SHISA9: variants seen among roughly 807,000 people sequenced by gnomAD.
SHISA9 encodes the protein protein shisa-9.
SHISA9 carries 13 observed loss-of-function variants against 38.0 expected under a neutral mutation model. The observed-to-expected ratio is 0.34, with a 90% CI of 0.22 to 0.54. The LOEUF is 0.54. SHISA9 is among the 20% of genes least tolerant of loss of function. SHISA9 has a pLI of 0.91. For missense variants in SHISA9, 538 were observed against 575.8 expected (o/e 0.93, Z 0.67); for synonymous variants, 275 against 242.0 (o/e 1.14, Z -1.27).
At chr16:13,415,195 A>G in the SHISA9 span, among the ~76,000 whole-genome samples, 1 of 152,194 alleles carries the variant, frequency 6.6e-6, no homozygotes, top group Non-Finnish European at 1.5e-5. Flanking sequence ...TTTAGGCTAA[A>G]CTTGATTTAA....
downstream of SHISA9, among the ~76,000 whole-genome samples, chr16:13,244,970 C>T (rs144536032): frequency 6.6e-6 from 1 of 152,288 alleles, no homozygotes; most frequent in Non-Finnish European, 1.5e-5. Flanking sequence ...GGCTGGAGTG[C>T]AGTGGAGCAA....
the SHISA9 span, among the ~76,000 whole-genome samples, chr16:13,286,634 G>T: frequency 6.6e-6 from 1 of 152,078 alleles, no homozygotes; most frequent in Admixed American, 6.6e-5. Flanking sequence ...AAAATATATC[G>T]GAGAGCTTTG....
At chr16:13,373,500 C>A in the SHISA9 span, among the ~76,000 whole-genome samples, 1 of 152,160 alleles carries the variant, frequency 6.6e-6, no homozygotes. Context: ...TGGTGGCTCA[C>A]GCCTGTAATC....
rs2051396414 is a variant in SHISA9 at position 13,237,450 on chromosome 16, G to A, written c.*2041G>A. 6.6e-6 allele frequency: 1 copy of A among 152,040 alleles called. No individual in the cohort carries two copies. The highest frequency in any genetic ancestry group is 6.6e-5 in the Admixed American group (1 of 15,262). 9.4% of individuals were successfully genotyped at this position (152,040 alleles called of 1,614,324 possible). ...GGCTGAAGCAGGTGGATCATCTGAG[G>A]TCAGGAGTTTGAGATCAGCCTGGTC... On this transcript the variant is annotated 3_prime_UTR_variant, in exon 5 of 5. Transcript: ENST00000558583.
the SHISA9 span, among the ~76,000 whole-genome samples, chr16:13,475,570 C>G: frequency 6.6e-6 from 1 of 152,056 alleles, no homozygotes; most frequent in Non-Finnish European, 1.5e-5. Context: ...AGTCCCCAAC[C>G]TTTTATGGCA....
chr16:12,903,371 C>T (rs1431178637), intron 1 of SHISA9, among the ~76,000 whole-genome samples: 1 of 152,204 alleles, frequency 6.6e-6, no homozygotes, highest in Non-Finnish European at 1.5e-5. Context: ...GAGCCCCCTC[C>T]TCGCGCGCCC....
At chr16:12,973,747 G>T (rs2072116879) in intron 2 of SHISA9, among the ~76,000 whole-genome samples, 1 of 152,144 alleles carries the variant, frequency 6.6e-6, no homozygotes, top group Admixed American at 6.5e-5. Flanking sequence ...GACTCCTAGA[G>T]GTGGGGATAG....
intron 2 of SHISA9, among the ~76,000 whole-genome samples, chr16:13,030,350 G>A (rs2072976063): frequency 1.3e-5 from 2 of 152,148 alleles, no homozygotes; most frequent in South Asian, 2.1e-4. Flanking sequence ...CCAGCCAATG[G>A]TAGCCACCCA....
At chr16:13,278,142 T>G in the SHISA9 span, among the ~76,000 whole-genome samples, 1 of 152,136 alleles carries the variant, frequency 6.6e-6, no homozygotes, top group Non-Finnish European at 1.5e-5. Flanking sequence ...CTGGATTTTG[T>G]CGAATGCTTT....
At chr16:13,268,535 G>A in the SHISA9 span, among the ~76,000 whole-genome samples, 1 of 148,632 alleles carries the variant, frequency 6.7e-6, no homozygotes, top group East Asian at 1.9e-4. Flanking sequence ...AAACAAAAAT[G>A]TCCCTTTGAG....
At chr16:13,410,668 C>T in the SHISA9 span, among the ~76,000 whole-genome samples, 36 of 152,218 alleles carry the variant, frequency 2.4e-4, no homozygotes, top group South Asian at 6.2e-4. Context: ...CTTTCAAGGA[C>T]GCTAAATTGA....
chr16:13,469,371 AAGAAAGAAAGAAAGAAAG>A, the SHISA9 span, among the ~76,000 whole-genome samples: 173 of 88,128 alleles, frequency 2.0e-3, no homozygotes, highest in Middle Eastern at 0.011. Context: ...AAGAAAAAGA[AAGAAAGAAAGAAAGAAAG>A]AAAGAAAGAA....
chr16:13,376,340 C>G, the SHISA9 span, among the ~76,000 whole-genome samples: 14 of 152,170 alleles, frequency 9.2e-5, no homozygotes, highest in African/African-American at 3.4e-4. Flanking sequence ...CTAGTCACTC[C>G]TGGAGCCTGA....
the SHISA9 span, among the ~76,000 whole-genome samples, chr16:13,493,884 G>C: frequency 6.6e-6 from 1 of 152,058 alleles, no homozygotes; most frequent in African/African-American, 2.4e-5. Flanking sequence ...GAATATAATT[G>C]GGCAGAGAAT....
chr16:12,998,790 G>T (rs916708258), intron 2 of SHISA9, among the ~76,000 whole-genome samples: 1 of 152,158 alleles, frequency 6.6e-6, no homozygotes, highest in African/African-American at 2.4e-5. Flanking sequence ...TGGATTCAAA[G>T]AACTTAATGA....
chr16:13,185,498 C>T (rs1257354558), intron 2 of SHISA9, among the ~76,000 whole-genome samples: 1 of 152,174 alleles, frequency 6.6e-6, no homozygotes, highest in Non-Finnish European at 1.5e-5. Context: ...ACTGCCAAGC[C>T]TGGGCCATTT....
intron 2 of SHISA9, among the ~76,000 whole-genome samples, chr16:13,114,765 C>A (rs1374981124): frequency 6.6e-6 from 1 of 151,910 alleles, no homozygotes; most frequent in African/African-American, 2.4e-5. Context: ...ATTTATGTGT[C>A]CATAATCTGT....
At chr16:12,973,187 A>G (rs2072108170) in intron 2 of SHISA9, among the ~76,000 whole-genome samples, 1 of 152,220 alleles carries the variant, frequency 6.6e-6, no homozygotes, top group African/African-American at 2.4e-5. Flanking sequence ...CTCATGAAGG[A>G]TCCTATTCAC....
chr16:13,396,168 C>G, the SHISA9 span, among the ~76,000 whole-genome samples: 173 of 152,234 alleles, frequency 1.1e-3, no homozygotes, highest in African/African-American at 3.9e-3. Flanking sequence ...CTCTACAGTA[C>G]CTGAATCTTC....
Sources: gnomAD v4.1 joint callset for allele counts (sites outside exome capture counted in the v4.1 genomes callset) on GRCh38, gnomAD v4.1.1 for gene constraint, MANE v1.5 for transcripts, NCBI Gene and HGNC (gene_info 2026-07-23, HGNC 2026-07-21) for gene names.